The following PARP6 variants were observed in gnomAD, a reference collection of about 807,000 sequenced individuals.
The protein encoded by PARP6 is protein mono-ADP-ribosyltransferase PARP6.
PARP6 carries 27 observed loss-of-function variants against 92.0 expected under a neutral mutation model. That is an observed-to-expected ratio of 0.29 (90% CI 0.22 to 0.40). The LOEUF is 0.40. PARP6 is among the 10% of genes least tolerant of loss of function. The pLI is 1.00. For synonymous variants in PARP6, 272 were observed against 281.2 expected, an observed-to-expected ratio of 0.97 and a Z score of 0.33; for missense variants, 501 against 784.5, an observed-to-expected ratio of 0.64 and a Z score of 4.32.
At chr15:72,268,621 C>T (rs1001650561) in intron 2 of PARP6, among the ~76,000 whole-genome samples, 1 of 152,204 alleles carries the variant, frequency 6.6e-6, no homozygotes, top group African/African-American at 2.4e-5. Flanking sequence ...TCGCTTGAAT[C>T]CGGGAGGCGG....
In PARP6 at chr15:72,251,900, G is replaced by A. The variant is rs112264192; in HGVS notation, c.1260-645C>T. On this transcript the variant is annotated intron_variant, in intron 16 of 23. Coordinates refer to ENST00000569795, the MANE Select transcript of PARP6 (RefSeq NM_001323532.2). ...TCAGCAAGAGAGCACTATCTCCCAT[G>A]TGGATACAGTTTGCTGTTGTCTTTG... Among the ~76,000 whole-genome samples, 1,336 of 152,350 alleles carry A rather than the reference G, an allele frequency of 8.8e-3. 29 individuals are homozygous for A. Among genetic ancestry groups the A allele is most frequent in the African/African-American group, 0.031 (1,274 of 41,576 alleles).
chr15:72,262,628 C>T (rs78135110), intron 8 of PARP6, among the ~76,000 whole-genome samples: 5,539 of 152,288 alleles, frequency 0.036, 174 homozygotes, highest in African/African-American at 0.088. Context: ...CACTCACCTC[C>T]AAACTTTCTG....
chr15:72,242,743 G>T lies in PARP6; in HGVS notation c.1562-44C>A. On this transcript the variant is annotated intron_variant, in intron 20 of 23. Transcript: ENST00000569795. This position sits in a 1 kb window ranked among gnomAD's most constrained non-coding sequence, Gnocchi z 4.3. ...CCCACTTCATTTATCAAAAATTTAC[G>T]AAAGTGCCTACTATGTCCCAGCACT... is the stretch of plus-strand genomic sequence containing the variant. 3.1e-6 allele frequency: 4 copies of T among 1,279,160 alleles called. No individual in the cohort carries two copies. The highest frequency in any genetic ancestry group is 1.3e-5 in the South Asian group (1 of 77,268). The allele number at this position is 1,279,160 out of a possible 1,614,324, so 79.2% of individuals were successfully genotyped here.
intron 17 of PARP6, 55 bp from the exon 18 acceptor site, chr15:72,251,009 G>A (rs1464226707): frequency 2.2e-5 from 30 of 1,342,808 alleles, no homozygotes; most frequent in Non-Finnish European, 3.0e-5. Context: ...TCGAGATCAG[G>A]GAGGGAAGGG....
At chr15:72,247,441 G>C (rs1169169889) in intron 20 of PARP6, among the ~76,000 whole-genome samples, 2 of 152,138 alleles carry the variant, frequency 1.3e-5, no homozygotes, top group Non-Finnish European at 1.5e-5. Context: ...CCAGTGTTGG[G>C]ATTACAGGTG....
Position 72,260,687 on chromosome 15 carries a change from A to G in PARP6, c.547T>C (p.Ser183Pro), listed in dbSNP as rs1324538256. Residue 183 changes from serine (S) to proline (P), a missense_variant and splice_region_variant, in exon 10 of 24, where the codon TCT becomes CCT. This residue lies in a region of PARP6 where 291 missense variants were observed against 352.0 expected (regional missense o/e 0.83). Transcript: ENST00000569795. ...GLSIFSPIPK[S>P]PSFPIIQDSM... ...TCCTGTATGATAGGGAAACTGGGAG[A>G]CCTGCAGAGAGAGAGCAAAGAGAAG... is the stretch of plus-strand genomic sequence containing the variant. 4 of 1,608,540 alleles carry G rather than the reference A, an allele frequency of 2.5e-6. No individual in the cohort carries two copies. The highest frequency in any genetic ancestry group is 3.4e-6 in the Non-Finnish European group (4 of 1,175,070).
At chr15:72,251,324 G>A (rs1452790506) in intron 16 of PARP6, 69 bp from the exon 17 acceptor site, 2 of 927,766 alleles carry the variant, frequency 2.2e-6, no homozygotes, top group African/African-American at 3.3e-5. Context: ...TTCTGAACAA[G>A]CCAGTCTTCC....
At chr15:72,249,156 T>C (rs2084009089) in intron 20 of PARP6, 89 bp downstream of exon 20, 1 of 682,848 alleles carries the variant, frequency 1.5e-6, no homozygotes, top group Non-Finnish European at 2.7e-6. Flanking sequence ...CAAGTATCCA[T>C]AATGAGGGAG....
chr15:72,258,737 GTTGT>G (rs918709225), intron 11 of PARP6, among the ~76,000 whole-genome samples: 14 of 152,194 alleles, frequency 9.2e-5, no homozygotes, highest in East Asian at 3.9e-4. Flanking sequence ...TTTTGTTGTT[GTTGT>G]TTGTTTGTTT....
rs552704481 is a variant in PARP6, at chr15:72,241,399, T to C, written c.*56A>G. 4.2e-5 allele frequency: 53 copies of C among 1,260,248 alleles called. No homozygotes were observed. The African/African-American group carries it at 6.7e-4, about 16-fold the overall frequency. 78.1% of individuals were successfully genotyped at this position (1,260,248 alleles called of 1,614,324 possible). A position where few individuals can be genotyped will look rare whatever the true frequency, so the allele number is the denominator to read the frequency against. ...CCTCAGCTGCTGTACCTGAACACTT[T>C]TATGAGGGCAGATGGATCCTGGGGT... On this transcript the variant is annotated 3_prime_UTR_variant, in exon 24 of 24. Coordinates refer to ENST00000569795, the MANE Select transcript of PARP6 (RefSeq NM_001323532.2). This position sits in a 1 kb window ranked among gnomAD's most constrained non-coding sequence, Gnocchi z 4.1.
intron 16 of PARP6, among the ~76,000 whole-genome samples, chr15:72,251,768 G>GA (rs1347981459): frequency 6.6e-6 from 1 of 152,190 alleles, no homozygotes; most frequent in Non-Finnish European, 1.5e-5. Flanking sequence ...GCTGGAAAAA[G>GA]AAACAGAAGA....
At chr15:72,260,766 C>A in intron 9 of PARP6, 78 bp from the exon 10 acceptor site, 1 of 1,091,104 alleles carries the variant, frequency 9.2e-7, no homozygotes, top group Non-Finnish European at 1.4e-6. Flanking sequence ...GATAAGTGAG[C>A]CCTAAGCCAA....
chr15:72,267,608 G>T lies in PARP6; in HGVS notation c.-131C>A. 1.1e-6 allele frequency: 1 copy of T among 909,622 alleles called. No individual in the cohort carries two copies. Among genetic ancestry groups the T allele is most frequent in the Non-Finnish European group, 1.8e-6 (1 of 552,774 alleles). The allele number at this position is 909,622 out of a possible 1,614,324, so 56.3% of individuals were successfully genotyped here. Reference sequence around the variant, plus strand: ...GGAGACAAGGTAGGGCACGATGTCAGGGACAACTGGTGATCTGTTGGGGAT... The same window carrying T: ...GGAGACAAGGTAGGGCACGATGTCATGGACAACTGGTGATCTGTTGGGGAT... On this transcript the variant is annotated 5_prime_UTR_variant, in exon 3 of 24. The change creates a new upstream start codon in the 5' untranslated region. Transcript: ENST00000569795.
rs150715008 is a variant in PARP6, at chr15:72,250,131, G to A, written c.1419-39C>T. 562 of 1,326,654 alleles carry A rather than the reference G, an allele frequency of 4.2e-4. 6 individuals carry two copies. In the East Asian group the frequency reaches 0.011, roughly 26 times the overall value. 82.2% of individuals were successfully genotyped at this position (1,326,654 alleles called of 1,614,324 possible). The stretch of plus-strand genomic sequence containing the variant: ...TAGAATACATGTCTCCTTATGATAT[G>A]AGGTTCCCAGGAACACTCCCAAGAC... On this transcript the variant is annotated intron_variant, in intron 18 of 23. Coordinates refer to ENST00000569795, the MANE Select transcript of PARP6 (RefSeq NM_001323532.2).
At chr15:72,252,039 T>TC (rs1353989294) in intron 16 of PARP6, among the ~76,000 whole-genome samples, 1 of 152,158 alleles carries the variant, frequency 6.6e-6, no homozygotes, top group Non-Finnish European at 1.5e-5. Context: ...GAAGGCTGAC[T>TC]AGGAAGAGGG....
chr15:72,270,305 C>G (rs2087224363), intron 2 of PARP6, among the ~76,000 whole-genome samples: 1 of 152,144 alleles, frequency 6.6e-6, no homozygotes, highest in African/African-American at 2.4e-5. Context: ...GAAATAAATA[C>G]AGCAAATAGC....
At chr15:72,267,046 C>T in intron 3 of PARP6, 1 of 529,428 alleles carries the variant, frequency 1.9e-6, no homozygotes, top group Non-Finnish European at 3.4e-6. Flanking sequence ...CAGAGGAAAA[C>T]ATCTAGGGAA....
chr15:72,243,286 G>A (rs1478238778), intron 20 of PARP6: 1 of 152,356 alleles, frequency 6.6e-6, no homozygotes, highest in East Asian at 1.9e-4. Flanking sequence ...AGGGGCCCAG[G>A]AGAGTGGGAC....
At chr15:72,270,018 C>G (rs535572034) in intron 2 of PARP6, among the ~76,000 whole-genome samples, 13 of 152,016 alleles carry the variant, frequency 8.6e-5, no homozygotes, top group Non-Finnish European at 1.6e-4. Flanking sequence ...AACCACTGTT[C>G]TAGTTCTAGA....
Sources: allele counts gnomAD v4.1 joint callset (sites outside exome capture counted in the v4.1 genomes callset), GRCh38; gene constraint gnomAD v4.1.1; regional missense constraint gnomAD v4.1.1; non-coding constraint Gnocchi (gnomAD v3.1); transcripts MANE v1.5; gene names NCBI Gene and HGNC (gene_info 2026-07-23, HGNC 2026-07-21).